The following SMYD3 variants were observed in gnomAD, a reference collection of about 807,000 sequenced individuals.
SMYD3 encodes SET and MYND domain containing 3.
In SMYD3, 36 loss-of-function variants were observed where a neutral mutation model predicts 57.7. The ratio of observed to expected loss-of-function variants is 0.62; its 90% CI spans 0.48 to 0.82. The LOEUF (loss-of-function observed/expected upper bound fraction) is 0.82, where lower values mean the gene tolerates loss of function less well. Ranked by LOEUF, SMYD3 falls within the 40% of genes least tolerant of loss-of-function variation. The pLI is 0.00. For synonymous variants in SMYD3, 211 were observed against 195.0 expected (o/e 1.08, Z -0.68); for missense variants, 515 against 538.8 (o/e 0.96, Z 0.44).
chr1:246,465,995 C>G (rs769074716), intron 1 of SMYD3, among the ~76,000 whole-genome samples: 1 of 152,224 alleles, frequency 6.6e-6, no homozygotes, highest in Admixed American at 6.5e-5. Context: ...TGGTCTCAAA[C>G]TCCTGGCCTC....
At chr1:246,488,144 C>A (rs927620628) in intron 1 of SMYD3, among the ~76,000 whole-genome samples, 1 of 151,922 alleles carries the variant, frequency 6.6e-6, no homozygotes, top group Admixed American at 6.6e-5. Context: ...GATCTGTGAC[C>A]GAAAAATTAT....
chr1:245,953,543 C>G (rs1461003563), intron 5 of SMYD3, among the ~76,000 whole-genome samples: 1 of 152,088 alleles, frequency 6.6e-6, no homozygotes. Context: ...CCTCAGCATC[C>G]TGAGTAGCTG....
chr1:246,392,873 A>G (rs2066595414), intron 1 of SMYD3, among the ~76,000 whole-genome samples: 1 of 152,180 alleles, frequency 6.6e-6, no homozygotes, highest in African/African-American at 2.4e-5. Flanking sequence ...ATAGTCAATA[A>G]GCATATAGAA....
chr1:246,367,478 G>A (rs758603600), intron 1 of SMYD3, among the ~76,000 whole-genome samples: 2 of 152,180 alleles, frequency 1.3e-5, no homozygotes, highest in Non-Finnish European at 2.9e-5. Flanking sequence ...CTAAAAAGTC[G>A]ATCCAGAACT....
At chr1:246,252,521 A>G (rs2063813909) in intron 5 of SMYD3, among the ~76,000 whole-genome samples, 1 of 152,132 alleles carries the variant, frequency 6.6e-6, no homozygotes, top group Admixed American at 6.5e-5. Context: ...CTAAAATATT[A>G]TAAATTTATT....
chr1:246,473,176 C>T (rs2067983238), intron 1 of SMYD3, among the ~76,000 whole-genome samples: 1 of 152,038 alleles, frequency 6.6e-6, no homozygotes, highest in African/African-American at 2.4e-5. Flanking sequence ...TTTTTCATTC[C>T]CTCATTTGGT....
intron 5 of SMYD3, among the ~76,000 whole-genome samples, chr1:246,285,213 T>A (rs1419487898): frequency 1.3e-5 from 2 of 152,176 alleles, no homozygotes; most frequent in African/African-American, 4.8e-5. Flanking sequence ...GAACACACAA[T>A]GTTTGGTTTT....
chr1:246,041,399 A>G (rs759796905), intron 5 of SMYD3, among the ~76,000 whole-genome samples: 3 of 152,200 alleles, frequency 2.0e-5, no homozygotes, highest in Admixed American at 6.5e-5. Flanking sequence ...TAAAAATACT[A>G]ATCATCAAAA....
At chr1:246,479,007 T>C (rs2068067499) in intron 1 of SMYD3, among the ~76,000 whole-genome samples, 1 of 151,182 alleles carries the variant, frequency 6.6e-6, no homozygotes, top group Admixed American at 6.6e-5. Flanking sequence ...AGTGCTCATA[T>C]ATGTACACCT....
intron 5 of SMYD3, among the ~76,000 whole-genome samples, chr1:246,037,824 C>T (rs986397659): frequency 6.6e-6 from 1 of 152,168 alleles, no homozygotes; most frequent in Non-Finnish European, 1.5e-5. Context: ...TATTTTTCTA[C>T]TGGTTTGTTG....
chr1:246,311,659 A>ACG (rs2065082076), intron 5 of SMYD3, among the ~76,000 whole-genome samples: 1 of 152,176 alleles, frequency 6.6e-6, no homozygotes, highest in South Asian at 2.1e-4. Flanking sequence ...ACACACGCGC[A>ACG]CGCGCGCACA....
intron 5 of SMYD3, among the ~76,000 whole-genome samples, chr1:246,283,523 G>A (rs576012338): frequency 1.1e-4 from 16 of 152,254 alleles, no homozygotes; most frequent in African/African-American, 3.6e-4. Context: ...TCAGAGCCAT[G>A]GAAAAGCTTC....
chr1:246,216,976 C>T (rs1275878216), intron 5 of SMYD3, among the ~76,000 whole-genome samples: 2 of 152,108 alleles, frequency 1.3e-5, no homozygotes, highest in Non-Finnish European at 2.9e-5. Context: ...GGACTATATG[C>T]TGTGAGTTAG....
intron 5 of SMYD3, among the ~76,000 whole-genome samples, chr1:245,992,351 T>C (rs1030960735): frequency 3.7e-4 from 57 of 152,362 alleles, no homozygotes; most frequent in African/African-American, 1.3e-3. Flanking sequence ...TGTGATGCAG[T>C]GTGGGAGGGG....
At chr1:246,038,278 CA>C (rs1325856311) in intron 5 of SMYD3, among the ~76,000 whole-genome samples, 5 of 152,072 alleles carry the variant, frequency 3.3e-5, no homozygotes, top group Non-Finnish European at 5.9e-5. Context: ...AGAGGGAAAG[CA>C]AAGAGTTAGT....
chr1:245,768,071 A>C (rs1030534157), intron 10 of SMYD3, among the ~76,000 whole-genome samples: 124 of 152,212 alleles, frequency 8.1e-4, no homozygotes, highest in African/African-American at 2.9e-3. Flanking sequence ...TGATTCAGAA[A>C]TAGAAACGCT....
chr1:246,382,491 T>C lies in SMYD3; in HGVS notation c.165-27397A>G, dbSNP rs143691719. Among the ~76,000 whole-genome samples, 607 of 152,052 alleles carry C rather than the reference T, an allele frequency of 4.0e-3. 2 individuals carry two copies. Among genetic ancestry groups the C allele is most frequent in the Middle Eastern group, 0.01 (3 of 294 alleles). On this transcript the variant is annotated intron_variant, in intron 1 of 11. Transcript: ENST00000490107. ...GCCTTAGGCACCAGGCTAGCACCTG[T>C]GAACCCAGGCTCCAGACCAAGCCCC...
At chr1:245,963,410 A>G (rs2058060347) in intron 5 of SMYD3, among the ~76,000 whole-genome samples, 1 of 152,170 alleles carries the variant, frequency 6.6e-6, no homozygotes, top group Non-Finnish European at 1.5e-5. Context: ...CATGGAAATC[A>G]GTACCCGGTA....
chr1:246,154,340 C>T (rs1484501269), intron 5 of SMYD3, among the ~76,000 whole-genome samples: 1 of 152,176 alleles, frequency 6.6e-6, no homozygotes, highest in Non-Finnish European at 1.5e-5. Context: ...GATCCTGCTC[C>T]ATACAGCTCC....
Sources: gnomAD v4.1 joint callset for allele counts (sites outside exome capture counted in the v4.1 genomes callset) on GRCh38, gnomAD v4.1.1 for gene constraint, MANE v1.5 for transcripts, NCBI Gene and HGNC (gene_info 2026-07-23, HGNC 2026-07-21) for gene names.